ARHGEF18: variants seen among roughly 807,000 people sequenced by gnomAD.
The protein encoded by ARHGEF18 is rho guanine nucleotide exchange factor 18.
A neutral mutation model predicts 155.7 loss-of-function variants in ARHGEF18; 93 were observed. The ratio of observed to expected loss-of-function variants is 0.60; its 90% CI spans 0.50 to 0.71. The LOEUF (loss-of-function observed/expected upper bound fraction) is 0.71, where lower values mean the gene tolerates loss of function less well. Ranked by LOEUF, ARHGEF18 falls within the 30% of genes least tolerant of loss-of-function variation. The pLI is 0.00. For synonymous variants in ARHGEF18, 742 were observed against 753.1 expected (o/e 0.99, Z 0.24); for missense variants, 1,593 against 1,816.1 (o/e 0.88, Z 2.23).
At position 7,440,078 on chromosome 19, in the gene ARHGEF18, G is replaced by C. The variant is rs1333487425; in HGVS notation, c.968-266G>C. 2 of 1,550,440 alleles carry C rather than the reference G, an allele frequency of 1.3e-6. No individual in the cohort carries two copies. The highest frequency in any genetic ancestry group is 1.7e-6 in the Non-Finnish European group (2 of 1,146,578). ...GCGCAGCCCAGCCTGGCGCCGCGCCGGGTCCCGGAGCCCCGGGCGCGAACA... is the reference window on the plus strand; with the variant it reads ...GCGCAGCCCAGCCTGGCGCCGCGCCCGGTCCCGGAGCCCCGGGCGCGAACA... On this transcript the variant is annotated intron_variant, in intron 10 of 28. Coordinates refer to ENST00000668164, the MANE Select transcript of ARHGEF18 (RefSeq NM_001367823.1). The surrounding 1 kb of genome is among the most constrained non-coding windows in gnomAD (Gnocchi z 5.4).
intron 10 of ARHGEF18, among the ~76,000 whole-genome samples, chr19:7,438,382 T>C (rs186448277): frequency 2.0e-5 from 3 of 151,606 alleles, no homozygotes; most frequent in African/African-American, 7.3e-5. Flanking sequence ...ATTACAGGCG[T>C]GAGCCACCAT....
chr19:7,368,568 C>T (rs1368700478), intron 2 of ARHGEF18, among the ~76,000 whole-genome samples: 1 of 152,148 alleles, frequency 6.6e-6, no homozygotes, highest in Non-Finnish European at 1.5e-5. Flanking sequence ...CTCCCCACTC[C>T]CCAGCTCCAC....
At chr19:7,420,119 GCT>G (rs1481221399) in intron 10 of ARHGEF18, among the ~76,000 whole-genome samples, 7 of 152,160 alleles carry the variant, frequency 4.6e-5, no homozygotes, top group East Asian at 1.9e-4. Context: ...AAAAAGGCCA[GCT>G]CTCTCTATAT....
intron 10 of ARHGEF18, among the ~76,000 whole-genome samples, chr19:7,425,681 CAA>C (rs1247648498): frequency 8.5e-5 from 8 of 94,000 alleles, no homozygotes; most frequent in Non-Finnish European, 4.4e-5. Flanking sequence ...GACTCCGTCT[CAA>C]AAAAAAAAAA....
chr19:7,468,532 G>A (rs910472580), intron 26 of ARHGEF18, among the ~76,000 whole-genome samples: 3 of 152,184 alleles, frequency 2.0e-5, no homozygotes, highest in African/African-American at 7.2e-5. Flanking sequence ...GAGCAAGACC[G>A]TGTCTCTGAA....
chr19:7,356,393 C>A (rs943235291), intron 1 of ARHGEF18, among the ~76,000 whole-genome samples: 1 of 151,740 alleles, frequency 6.6e-6, no homozygotes, highest in Non-Finnish European at 1.5e-5. Flanking sequence ...CCTGCCTCAG[C>A]CTTTCGGGTA....
chr19:7,360,923 G>A (rs1395970111), intron 1 of ARHGEF18, among the ~76,000 whole-genome samples: 1 of 152,166 alleles, frequency 6.6e-6, no homozygotes, highest in Non-Finnish European at 1.5e-5. Flanking sequence ...GGAAAGCAGT[G>A]ATGGTGGAAA....
rs961037606 is a variant in ARHGEF18 at position 7,440,120 on chromosome 19, C to A, written c.968-224C>A. ...GCGCGAACATGGGGAATGCGCACTC[C>A]AAAAGCGGGGACAGGCACAGCGCGC... is the stretch of plus-strand genomic sequence containing the variant. On this transcript the variant is annotated intron_variant, in intron 10 of 28. Transcript: ENST00000668164. This position sits in a 1 kb window ranked among gnomAD's most constrained non-coding sequence, Gnocchi z 5.4. 7 of 1,551,106 alleles carry A rather than the reference C, an allele frequency of 4.5e-6. No homozygotes were observed. The highest frequency in any genetic ancestry group is 6.1e-6 in the Non-Finnish European group (7 of 1,146,836).
intron 16 of ARHGEF18, 59 bp from the exon 17 acceptor site, chr19:7,453,408 G>A: frequency 1.3e-6 from 2 of 1,531,344 alleles, no homozygotes; most frequent in Admixed American, 2.0e-5. Context: ...TAGTGAGTGT[G>A]TCCACTTCTG....
intron 10 of ARHGEF18, among the ~76,000 whole-genome samples, chr19:7,416,083 T>C (rs1301341479): frequency 6.6e-6 from 1 of 152,110 alleles, no homozygotes; most frequent in Admixed American, 6.6e-5. Context: ...TGTGTGCTTC[T>C]TGTTGGTGAT....
chr19:7,469,970 G>A lies in ARHGEF18; in HGVS notation c.3854G>A (p.Arg1285Gln), dbSNP rs200686455. Residue 1285 changes from arginine to glutamine, a missense_variant, in exon 28 of 29, where the codon CGG (arginine) becomes CAG (glutamine). Coordinates refer to ENST00000668164, the MANE Select transcript of ARHGEF18 (RefSeq NM_001367823.1). ...ATGGGGAAAGATGAGAGCACCTCAC[G>A]GAACCGCCGCTCGCTGAGCCCTATC... ...KLMGKDESTS[R>Q]NRRSLSPILP... 2.0e-5 allele frequency: 32 copies of A among 1,612,970 alleles called. No homozygotes were observed. Among genetic ancestry groups the A allele is most frequent in the East Asian group, 8.9e-5 (4 of 44,864 alleles).
intron 10 of ARHGEF18, among the ~76,000 whole-genome samples, chr19:7,407,788 C>T (rs1012348760): frequency 2.7e-4 from 41 of 151,816 alleles, no homozygotes; most frequent in African/African-American, 9.4e-4. Context: ...CGGTGAAACC[C>T]CGTCTCTACT....
intron 2 of ARHGEF18, among the ~76,000 whole-genome samples, chr19:7,369,017 A>G (rs1970070392): frequency 6.6e-6 from 1 of 152,226 alleles, no homozygotes; most frequent in South Asian, 2.1e-4. Context: ...GAAACAGCAG[A>G]GTGAGTCCTT....
intron 27 of ARHGEF18, among the ~76,000 whole-genome samples, chr19:7,469,543 C>A (rs983410356): frequency 2.6e-5 from 4 of 152,174 alleles, no homozygotes; most frequent in African/African-American, 9.7e-5. Flanking sequence ...AGTGTTTCCA[C>A]GGAGGATGTC....
chr19:7,360,760 C>A (rs574960042), intron 1 of ARHGEF18, among the ~76,000 whole-genome samples: 3 of 152,314 alleles, frequency 2.0e-5, no homozygotes, highest in African/African-American at 4.8e-5. Flanking sequence ...GACCCTCCCC[C>A]ACATCTGGCT....
At chr19:7,414,299 G>A (rs1043128285) in intron 10 of ARHGEF18, among the ~76,000 whole-genome samples, 3 of 152,182 alleles carry the variant, frequency 2.0e-5, no homozygotes, top group Admixed American at 2.0e-4. Flanking sequence ...ATAAGTACAG[G>A]ATGGGGAAAT....
chr19:7,433,912 GA>G (rs1021949969), intron 10 of ARHGEF18, among the ~76,000 whole-genome samples: 11 of 151,392 alleles, frequency 7.3e-5, no homozygotes. Context: ...CCAGCTACTC[GA>G]GGGGCTGAGG....
downstream of ARHGEF18, among the ~76,000 whole-genome samples, chr19:7,475,545 A>G (rs1019335486): frequency 1.5e-5 from 2 of 135,036 alleles, no homozygotes; most frequent in East Asian, 4.1e-4. Context: ...CACACACACA[A>G]CCACACACAC....
At chr19:7,426,329 A>C (rs35086839) in intron 10 of ARHGEF18, among the ~76,000 whole-genome samples, 33,362 of 151,880 alleles carry the variant, frequency 0.22, 3,758 homozygotes, top group Non-Finnish European at 0.23. Flanking sequence ...TCTACTAAAA[A>C]TAGAAAAATT....
Sources: gnomAD v4.1 joint callset for allele counts (sites outside exome capture counted in the v4.1 genomes callset) on GRCh38, gnomAD v4.1.1 for gene constraint, Gnocchi (gnomAD v3.1) non-coding constraint, MANE v1.5 for transcripts, NCBI Gene and HGNC (gene_info 2026-07-23, HGNC 2026-07-21) for gene names.